The following TMTC2 variants were observed in gnomAD, a reference collection of about 807,000 sequenced individuals.
The protein encoded by TMTC2 is protein O-mannosyl-transferase TMTC2.
Under a neutral mutation model 82.4 loss-of-function variants are expected in TMTC2, and 43 were observed. That is an observed-to-expected ratio of 0.52 (90% CI 0.41 to 0.67). The LOEUF is 0.67. TMTC2 is among the 30% of genes least tolerant of loss of function. The probability of loss-of-function intolerance (pLI) is 0.00; values close to 1 mark genes in which losing one functional copy is unlikely to be tolerated. For synonymous variants in TMTC2, 408 were observed against 381.9 expected, an observed-to-expected ratio of 1.07 and a Z score of -0.80; for missense variants, 919 against 1,012.4, an observed-to-expected ratio of 0.91 and a Z score of 1.25.
intron 11 of TMTC2, among the ~76,000 whole-genome samples, chr12:83,118,134 T>C (rs1027729125): frequency 1.3e-5 from 2 of 152,172 alleles, no homozygotes; most frequent in Middle Eastern, 3.2e-3. Context: ...TTTGACTTCC[T>C]CTTTACCGAT....
chr12:82,974,164 T>C (rs569338904), intron 7 of TMTC2, among the ~76,000 whole-genome samples: 1 of 152,130 alleles, frequency 6.6e-6, no homozygotes, highest in South Asian at 2.1e-4. Context: ...AGCCCAGGAG[T>C]TCGAGACCAG....
chr12:83,028,650 A>G (rs1476776831), intron 8 of TMTC2, among the ~76,000 whole-genome samples: 1 of 152,106 alleles, frequency 6.6e-6, no homozygotes, highest in African/African-American at 2.4e-5. Flanking sequence ...TAAAGAAATT[A>G]TAGTTACAAG....
chr12:82,690,857 G>A (rs1872540642), intron 1 of TMTC2, among the ~76,000 whole-genome samples: 1 of 152,060 alleles, frequency 6.6e-6, no homozygotes, highest in African/African-American at 2.4e-5. Flanking sequence ...TGGTGTTTAG[G>A]TCAGTGGTAA....
At chr12:83,064,105 T>C (rs1329618952) in intron 11 of TMTC2, among the ~76,000 whole-genome samples, 1 of 151,908 alleles carries the variant, frequency 6.6e-6, no homozygotes. Flanking sequence ...CAATTGTTTT[T>C]TGAGTACTAG....
At chr12:82,953,071 C>G (rs947958777) in intron 4 of TMTC2, among the ~76,000 whole-genome samples, 6 of 152,094 alleles carry the variant, frequency 3.9e-5, no homozygotes, top group Non-Finnish European at 7.4e-5. Context: ...GCTTAGTTTC[C>G]AGGACTTGTG....
At chr12:83,013,913 A>G (rs1880564016) in intron 8 of TMTC2, among the ~76,000 whole-genome samples, 1 of 152,146 alleles carries the variant, frequency 6.6e-6, no homozygotes, top group Non-Finnish European at 1.5e-5. Flanking sequence ...GTATTCTTAA[A>G]CTGTCTCCAG....
intron 9 of TMTC2, among the ~76,000 whole-genome samples, chr12:83,048,642 T>C (rs1363089441): frequency 1.3e-5 from 2 of 152,212 alleles, no homozygotes; most frequent in African/African-American, 4.8e-5. Context: ...AGTTTAGAAA[T>C]ACTTAAATGC....
At chr12:82,810,004 G>A (rs1408330479) in intron 1 of TMTC2, among the ~76,000 whole-genome samples, 1 of 151,992 alleles carries the variant, frequency 6.6e-6, no homozygotes, top group Non-Finnish European at 1.5e-5. Context: ...CATTTTAGAG[G>A]AGCTGAAATG....
chr12:83,031,112 A>G (rs1327404744), intron 9 of TMTC2, among the ~76,000 whole-genome samples: 2 of 151,868 alleles, frequency 1.3e-5, no homozygotes, highest in Non-Finnish European at 2.9e-5. Flanking sequence ...GGCATTACAC[A>G]GTTGTTTTTT....
chr12:82,896,346 GT>G lies in TMTC2; in HGVS notation c.1185del (p.Leu396CysfsTer6), dbSNP rs770926356. ...GCTTCCTTCTACGGAGAACATTGTT[GT>G]TCTGTCTTTATCTTTGTTAATCATA... ...TQLPSTENIV[V>X]LSLSLLIIPF... On this transcript the variant is annotated frameshift_variant, in exon 3 of 12. Coordinates refer to ENST00000321196, the MANE Select transcript of TMTC2 (RefSeq NM_152588.3). LOFTEE classifies it high-confidence loss of function. 1.9e-6 allele frequency: 3 copies of G among 1,614,124 alleles called. No homozygotes were observed. Among genetic ancestry groups the G allele is most frequent in the Non-Finnish European group, 2.5e-6 (3 of 1,180,024 alleles).
chr12:82,916,156 T>TA (rs1399792224), intron 3 of TMTC2, among the ~76,000 whole-genome samples: 4 of 152,250 alleles, frequency 2.6e-5, no homozygotes, highest in Non-Finnish European at 4.4e-5. Context: ...GTATAGTTGT[T>TA]ACATAAACAG....
chr12:82,892,606 A>C (rs1873451159), intron 2 of TMTC2, among the ~76,000 whole-genome samples: 1 of 152,226 alleles, frequency 6.6e-6, no homozygotes, highest in Non-Finnish European at 1.5e-5. Context: ...TAGCAAAGAA[A>C]TCTGACCATG....
intron 1 of TMTC2, among the ~76,000 whole-genome samples, chr12:82,812,347 TA>T (rs541343004): frequency 3.3e-5 from 5 of 151,890 alleles, no homozygotes; most frequent in African/African-American, 9.6e-5. Flanking sequence ...CCTTGGGAAT[TA>T]AAAAAAAGAA....
Position 82,896,353 on chromosome 12 carries a change from CTT to C in TMTC2, c.1192_1193del (p.Leu398IlefsTer30), listed in dbSNP as rs759285496. ...TCTACGGAGAACATTGTTGTTCTGT[CTT>C]TATCTTTGTTAATCATACCCTTTGT... On this transcript the variant is annotated frameshift_variant, in exon 3 of 12. Coordinates refer to ENST00000321196, the MANE Select transcript of TMTC2 (RefSeq NM_152588.3). LOFTEE classifies it high-confidence loss of function. The C allele has an allele frequency of 1.2e-5, 19 of 1,614,098 alleles. No individual in the cohort carries two copies. In the African/African-American group the frequency reaches 2.4e-4, roughly 20 times the overall value.
intron 11 of TMTC2, among the ~76,000 whole-genome samples, chr12:83,078,710 T>G (rs745476097): frequency 6.6e-5 from 10 of 152,194 alleles, no homozygotes. Context: ...TTAATTTATA[T>G]TTACATTTAT....
intron 9 of TMTC2, among the ~76,000 whole-genome samples, chr12:83,033,772 CA>C (rs1177493285): frequency 1.4e-5 from 2 of 146,422 alleles, no homozygotes; most frequent in African/African-American, 2.5e-5. Flanking sequence ...AATAAATAAA[CA>C]AAAAAACCAT....
At chr12:82,873,209 G>T (rs1332585164) in intron 2 of TMTC2, among the ~76,000 whole-genome samples, 1 of 131,894 alleles carries the variant, frequency 7.6e-6, no homozygotes, top group Non-Finnish European at 1.6e-5. Flanking sequence ...CTGTTTCAAA[G>T]ATGTTGTGTG....
At chr12:82,876,028 C>CGGTGGTGGTGGTGGTGGTGGT (rs748180026) in intron 2 of TMTC2, among the ~76,000 whole-genome samples, 29 of 83,480 alleles carry the variant, frequency 3.5e-4, no homozygotes, top group Middle Eastern at 6.3e-3. Flanking sequence ...GTAGTGGTGG[C>CGGTGGTGGTGGTGGTGGTGGT]GGTGGTGGTG....
chr12:82,980,019 T>TG (rs1565837484), intron 7 of TMTC2, among the ~76,000 whole-genome samples: 1 of 151,846 alleles, frequency 6.6e-6, no homozygotes, highest in Non-Finnish European at 1.5e-5. Flanking sequence ...CTTTGACCTT[T>TG]GGGAATTTGA....
Sources: gnomAD v4.1 joint callset for allele counts (sites outside exome capture counted in the v4.1 genomes callset) on GRCh38, gnomAD v4.1.1 for gene constraint, MANE v1.5 for transcripts, NCBI Gene and HGNC (gene_info 2026-07-23, HGNC 2026-07-21) for gene names.